CAST: variants seen among roughly 807,000 people sequenced by gnomAD.
CAST encodes the protein calpastatin.
A neutral mutation model predicts 119.6 loss-of-function variants in CAST; 76 were observed. That is an observed-to-expected ratio of 0.64 (90% CI 0.53 to 0.77). The LOEUF is 0.77. Among genes scored for constraint, CAST ranks in the 30% least tolerant of loss-of-function variants. The pLI, the probability that CAST is intolerant of heterozygous loss-of-function variation, is 0.00. For synonymous variants in CAST, 319 were observed against 331.6 expected (o/e 0.96, Z 0.41); for missense variants, 953 against 946.5 (o/e 1.01, Z -0.09).
At chr5:96,529,878 A>G (rs1329746830) in exon 1 of CAST, 3 of 417,938 alleles carry the variant, frequency 7.2e-6, no homozygotes, top group African/African-American at 4.2e-5. Flanking sequence ...GCCATTCAGA[A>G]CTGTGAGTCA....
chr5:96,623,925 C>G (rs866081882), intron 1 of CAST, among the ~76,000 whole-genome samples: 1 of 151,946 alleles, frequency 6.6e-6, no homozygotes, highest in Non-Finnish European at 1.5e-5. Flanking sequence ...TCTCAAACTC[C>G]GAGACTCAAG....
At chr5:96,250,927 G>A in the CAST span, among the ~76,000 whole-genome samples, 4 of 152,010 alleles carry the variant, frequency 2.6e-5, no homozygotes, top group Non-Finnish European at 5.9e-5. Context: ...AAGCTTGTTC[G>A]TTCAATTCAT....
At chr5:96,756,745 A>T (rs1044782492) in intron 22 of CAST, among the ~76,000 whole-genome samples, 2 of 152,072 alleles carry the variant, frequency 1.3e-5, no homozygotes, top group Admixed American at 1.3e-4. Context: ...ATATCTTTGT[A>T]TTTACTTATT....
chr5:96,110,487 C>T, the CAST span, among the ~76,000 whole-genome samples: 1 of 152,100 alleles, frequency 6.6e-6, no homozygotes, highest in Non-Finnish European at 1.5e-5. Context: ...AGTGAATTAG[C>T]TGGAGGGGTT....
the CAST span, among the ~76,000 whole-genome samples, chr5:96,438,000 A>G: frequency 6.6e-6 from 1 of 152,174 alleles, no homozygotes; most frequent in African/African-American, 2.4e-5. Flanking sequence ...AATCTCTTTT[A>G]TACATGATAG....
the CAST span, chr5:96,213,223 T>G: frequency 2.0e-5 from 3 of 152,178 alleles, no homozygotes; most frequent in Admixed American, 1.3e-4. Flanking sequence ...TTAATATAAC[T>G]ATTCCCACTT....
chr5:96,639,057 G>A (rs1355521708), intron 1 of CAST, among the ~76,000 whole-genome samples: 2 of 152,140 alleles, frequency 1.3e-5, no homozygotes, highest in Non-Finnish European at 2.9e-5. Context: ...GTTGGCATTT[G>A]GCCCTGTTCC....
upstream of CAST, among the ~76,000 whole-genome samples, chr5:96,527,569 G>A (rs1745616115): frequency 1.3e-5 from 2 of 152,084 alleles, no homozygotes; most frequent in Non-Finnish European, 2.9e-5. Context: ...CTCTACAGCA[G>A]GCTCATAGGT....
At chr5:96,416,742 C>A in the CAST span, among the ~76,000 whole-genome samples, 1 of 152,292 alleles carries the variant, frequency 6.6e-6, no homozygotes, top group African/African-American at 2.4e-5. Flanking sequence ...ATTGGAAAGC[C>A]AAGATGCTCC....
chr5:96,026,751 A>T, the CAST span, among the ~76,000 whole-genome samples: 1 of 152,242 alleles, frequency 6.6e-6, no homozygotes, highest in African/African-American at 2.4e-5. Context: ...TTTACATAAT[A>T]AAGTTTCATT....
At chr5:96,704,424 G>C (rs1754526120) in intron 3 of CAST, among the ~76,000 whole-genome samples, 1 of 152,066 alleles carries the variant, frequency 6.6e-6, no homozygotes, top group South Asian at 2.1e-4. Flanking sequence ...AAACCAGAAA[G>C]AAAAAGAAAG....
intron 1 of CAST, among the ~76,000 whole-genome samples, chr5:96,611,960 G>A (rs1747371382): frequency 1.3e-5 from 2 of 152,190 alleles, no homozygotes; most frequent in South Asian, 4.1e-4. Flanking sequence ...TGGTGAGGAT[G>A]CAGAGAAAAG....
the CAST span, among the ~76,000 whole-genome samples, chr5:96,346,334 G>A: frequency 3.3e-5 from 5 of 152,112 alleles, no homozygotes; most frequent in Admixed American, 3.3e-4. Context: ...TACCTGTGAG[G>A]CATCTAATTT....
the CAST span, among the ~76,000 whole-genome samples, chr5:96,365,210 C>G: frequency 1.3e-5 from 2 of 152,164 alleles, no homozygotes; most frequent in East Asian, 1.9e-4. Flanking sequence ...AATTTCTGTT[C>G]TTTTACATTT....
At chr5:96,654,110 G>A (rs752495866) in intron 1 of CAST, among the ~76,000 whole-genome samples, 15 of 149,574 alleles carry the variant, frequency 1.0e-4, no homozygotes, top group Non-Finnish European at 1.6e-4. Context: ...TGCAACCTGC[G>A]CCTCCCGGAT....
At position 96,726,753 on chromosome 5, in the gene CAST, GATAAA is replaced by G. The variant is rs372203284; in HGVS notation, c.271-33_271-29del. ...GTACATGTTACTTATTTGACTGACA[GATAAA>G]ATAAAATTATACCTGGGGCTGTGCT... On this transcript the variant is annotated intron_variant, in intron 4 of 31. Transcript: ENST00000675179. 215 of 1,421,530 alleles carry G rather than the reference GATAAA, an allele frequency of 1.5e-4. No homozygotes were observed. The African/African-American group carries it at 2.5e-3, about 16-fold the overall frequency. The allele number at this position is 1,421,530 out of a possible 1,614,324, so 88.1% of individuals were successfully genotyped here.
At chr5:96,488,545 A>G in the CAST span, among the ~76,000 whole-genome samples, 4 of 152,218 alleles carry the variant, frequency 2.6e-5, no homozygotes, top group Non-Finnish European at 2.9e-5. Context: ...CAAATACTTT[A>G]CATATTGTCG....
At chr5:96,258,124 C>T in the CAST span, among the ~76,000 whole-genome samples, 1 of 152,052 alleles carries the variant, frequency 6.6e-6, no homozygotes, top group African/African-American at 2.4e-5. Flanking sequence ...TCTTTCAGGG[C>T]TTCATTTTGC....
At chr5:96,440,163 GTTTATCCCACCTTTTTTTTTT>G in the CAST span, among the ~76,000 whole-genome samples, 1 of 140,134 alleles carries the variant, frequency 7.1e-6, no homozygotes, top group South Asian at 2.4e-4. Context: ...CTGCAATTAT[GTTTATCCCACCTTTTTTTTTT>G]TTTTTCTTAT....
Sources: gnomAD v4.1 joint callset for allele counts (sites outside exome capture counted in the v4.1 genomes callset) on GRCh38, gnomAD v4.1.1 for gene constraint, MANE v1.5 for transcripts, NCBI Gene and HGNC (gene_info 2026-07-23, HGNC 2026-07-21) for gene names.